ABR: variants seen among roughly 807,000 people sequenced by gnomAD.
The protein encoded by ABR is active breakpoint cluster region-related protein.
ABR carries 35 observed loss-of-function variants against 107.2 expected under a neutral mutation model. The ratio of observed to expected loss-of-function variants is 0.33; its 90% CI spans 0.25 to 0.43. ABR has a LOEUF of 0.43. ABR is among the 20% of genes least tolerant of loss of function. ABR has a pLI of 1.00. For synonymous variants in ABR, 498 were observed against 462.0 expected (o/e 1.08, Z -1.00); for missense variants, 815 against 1,115.2 (o/e 0.73, Z 3.83).
At chr17:1,125,129 C>CA in intron 2 of ABR, 54 bp downstream of exon 2, 1 of 1,514,216 alleles carries the variant, frequency 6.6e-7, no homozygotes, top group South Asian at 1.3e-5. Flanking sequence ...CCACGATGCC[C>CA]AGGCCTTCCC....
chr17:1,197,645 G>T (rs1350079266), intron 1 of ABR, among the ~76,000 whole-genome samples: 1 of 151,652 alleles, frequency 6.6e-6, no homozygotes, highest in Non-Finnish European at 1.5e-5. Context: ...TCACATGAGG[G>T]GAGTGCCAGA....
intron 2 of ABR, among the ~76,000 whole-genome samples, chr17:1,124,327 C>T (rs962898906): frequency 2.0e-5 from 3 of 152,114 alleles, no homozygotes; most frequent in African/African-American, 7.2e-5. Flanking sequence ...AGGACGGAGA[C>T]CCCCTACAAA....
intron 16 of ABR, among the ~76,000 whole-genome samples, chr17:1,041,506 G>A (rs1377870180): frequency 4.6e-5 from 7 of 151,956 alleles, no homozygotes; most frequent in African/African-American, 1.7e-4. Context: ...AGGCTGAGGC[G>A]GGTGGATCAC....
At chr17:1,033,495 C>CA (rs2072957529) in intron 16 of ABR, among the ~76,000 whole-genome samples, 1 of 152,242 alleles carries the variant, frequency 6.6e-6, no homozygotes. Flanking sequence ...CCAAAGCCCA[C>CA]ACCCCTGTCA....
At chr17:1,036,881 C>T (rs2073221423) in intron 16 of ABR, among the ~76,000 whole-genome samples, 1 of 152,180 alleles carries the variant, frequency 6.6e-6, no homozygotes, top group Admixed American at 6.5e-5. Flanking sequence ...CATCGGATAC[C>T]TCTGGGTATT....
At chr17:1,087,478 G>A (rs1396821486) in intron 4 of ABR, among the ~76,000 whole-genome samples, 1 of 152,190 alleles carries the variant, frequency 6.6e-6, no homozygotes, top group Non-Finnish European at 1.5e-5. Context: ...CAAGGCCAGA[G>A]GCATTCAGGT....
At chr17:1,136,493 T>C (rs1286389155) in intron 1 of ABR, among the ~76,000 whole-genome samples, 5 of 152,156 alleles carry the variant, frequency 3.3e-5, no homozygotes, top group Non-Finnish European at 7.3e-5. Context: ...CCTCCCACAG[T>C]GCTGGGATTA....
intron 2 of ABR, 96 bp from the exon 3 acceptor site, chr17:1,100,831 ATTTT>A: frequency 9.4e-7 from 1 of 1,062,798 alleles, no homozygotes; most frequent in Non-Finnish European, 1.4e-6. Context: ...CCCGACCTTT[ATTTT>A]TTTTTTGAGA....
At chr17:1,100,871 T>G (rs938717925) in intron 2 of ABR, 136 bp from the exon 3 acceptor site, 13 of 776,802 alleles carry the variant, frequency 1.7e-5, no homozygotes, top group Non-Finnish European at 2.7e-5. Context: ...TCACCTAGGC[T>G]GAAGTAAAGT....
rs771061495 is a variant in ABR, at chr17:1,179,625, C to T, written c.61+42G>A. ...GGTCCCGATCTCCATCCTGGGGTCC[C>T]GATCCCGATCCTGGGGTCCCGCCCC... On this transcript the variant is annotated intron_variant, in intron 1 of 22. Transcript: ENST00000302538. The surrounding 1 kb of genome is among the most constrained non-coding windows in gnomAD (Gnocchi z 4.9). The T allele has an allele frequency of 1.4e-6, 2 of 1,478,844 alleles. No homozygotes were observed. The highest frequency in any genetic ancestry group is 1.5e-5 in the African/African-American group (1 of 66,952). 91.6% of individuals were successfully genotyped at this position (1,478,844 alleles called of 1,614,324 possible). A position where few individuals can be genotyped will look rare whatever the true frequency, so the allele number is the denominator to read the frequency against.
chr17:1,079,174 A>G (rs918795477), intron 6 of ABR, 156 bp downstream of exon 6: 59 of 1,465,418 alleles, frequency 4.0e-5, no homozygotes, highest in South Asian at 2.7e-5. Context: ...GCACACGCGC[A>G]CTCAGCTCAC....
In ABR at chr17:1,152,485, G is replaced by C. The variant is rs535607024; in HGVS notation, c.62-27118C>G. Among the ~76,000 whole-genome samples, 5 of 151,030 alleles carry C rather than the reference G, an allele frequency of 3.3e-5. No homozygotes were observed. The South Asian group carries it at 1.0e-3, about 32-fold the overall frequency. On this transcript the variant is annotated intron_variant, in intron 1 of 22. Coordinates refer to ENST00000302538, the MANE Select transcript of ABR (RefSeq NM_021962.5). ...GCGTGCCTGTAATCTCAGCTACTCG[G>C]GAGGCTGAAGCAGAAGAATCACTTG...
Position 1,067,139 on chromosome 17 carries a change from C to G in ABR, c.1120G>C (p.Asp374His). 1 of 1,613,904 alleles carries G rather than the reference C, an allele frequency of 6.2e-7. No individual in the cohort carries two copies. Among genetic ancestry groups the G allele is most frequent in the Non-Finnish European group, 8.5e-7 (1 of 1,179,976 alleles). ...EASPQVHPFP[D>H]HELEDMKMKI... Reference sequence around the variant, plus strand: ...ATCTTCATGTCCTCCAGCTCATGGTCTGGGAAGGGGTGCACCTGGGGGCTG... The same window carrying G: ...ATCTTCATGTCCTCCAGCTCATGGTGTGGGAAGGGGTGCACCTGGGGGCTG... Residue 374 changes from aspartate (D) to histidine (H), a missense_variant, in exon 10 of 23, where the codon GAC becomes CAC. Asp to His is a moderately conservative substitution (Grantham distance 81). Around this residue, in one of 5 missense-constraint regions of ABR, gnomAD observed 385 missense variants for 596.9 expected, o/e 0.64. Transcript: ENST00000302538.
At chr17:1,219,623 C>T (rs117997353) in intron 1 of ABR, among the ~76,000 whole-genome samples, 7 of 738 alleles carry the variant, frequency 9.5e-3, no homozygotes, top group African/African-American at 0.028. Context: ...CAGTGGCCCT[C>T]GCCTGTAATC....
At position 1,005,351 on chromosome 17, in the gene ABR, G is replaced by A. The variant is rs1419642116; in HGVS notation, c.*729C>T. The A allele has an allele frequency of 2.5e-6, 1 of 392,862 alleles. No homozygotes were observed. Among genetic ancestry groups the A allele is most frequent in the East Asian group, 3.6e-5 (1 of 27,776 alleles). The allele number at this position is 392,862 out of a possible 1,614,324, so 24.3% of individuals were successfully genotyped here. ...TCCCAAACGGAAAATTCCAGAAATGGGCGCTCCAGCTCTGTGCTAAGCTGG... is the reference window on the plus strand; with the variant it reads ...TCCCAAACGGAAAATTCCAGAAATGAGCGCTCCAGCTCTGTGCTAAGCTGG... On this transcript the variant is annotated 3_prime_UTR_variant, in exon 23 of 23. Transcript: ENST00000302538.
rs141841996 is a variant in ABR at position 1,222,685 on chromosome 17, G to A, written c.838+6108C>T. On this transcript the variant is annotated intron_variant, in intron 1 of 22. Transcript: ENST00000574139. ...TCAGCACTTGTGGAGGCCAAGGAGC[G>A]AGGATCACTTGAGCCCGGGAGTTCT... Among the ~76,000 whole-genome samples, 634 of 152,314 alleles carry A rather than the reference G, an allele frequency of 4.2e-3. 10 individuals are homozygous for A. The highest frequency in any genetic ancestry group is 0.015 in the African/African-American group (603 of 41,572).
chr17:1,197,159 T>G (rs1212413493), intron 1 of ABR, among the ~76,000 whole-genome samples: 1 of 151,682 alleles, frequency 6.6e-6, no homozygotes, highest in South Asian at 2.1e-4. Flanking sequence ...CCCCCAGCCC[T>G]GCCTGGCCCA....
chr17:1,024,043 A>AAAAAAAAAAAAAAAAAAAAAAAAC (rs2071960019), intron 16 of ABR, among the ~76,000 whole-genome samples: 2 of 149,732 alleles, frequency 1.3e-5, no homozygotes, highest in Non-Finnish European at 3.0e-5. Context: ...AAAAAAAAAA[A>AAAAAAAAAAAAAAAAAAAAAAAAC]AAAAAAGCAG....
chr17:1,177,298 A>G (rs542872105), intron 1 of ABR, among the ~76,000 whole-genome samples: 31 of 152,302 alleles, frequency 2.0e-4, no homozygotes, highest in African/African-American at 7.5e-4. Context: ...GCCTCCTGCT[A>G]CAGCTCTCCA....
Sources: gnomAD v4.1 joint callset for allele counts (sites outside exome capture counted in the v4.1 genomes callset) on GRCh38, gnomAD v4.1.1 for gene constraint, gnomAD v4.1.1 regional missense constraint, Gnocchi (gnomAD v3.1) non-coding constraint, MANE v1.5 for transcripts, NCBI Gene and HGNC (gene_info 2026-07-23, HGNC 2026-07-21) for gene names.